Variants in LRRC7 observed in about 807,000 individuals in gnomAD.
LRRC7 encodes leucine rich repeat containing 7.
A neutral mutation model predicts 175.7 loss-of-function variants in LRRC7; 23 were observed. The observed-to-expected ratio is 0.13, with a 90% confidence interval of 0.09 to 0.19. The LOEUF (loss-of-function observed/expected upper bound fraction) is 0.19, where lower values mean the gene tolerates loss of function less well. Ranked by LOEUF, LRRC7 falls within the 10% of genes least tolerant of loss-of-function variation. LRRC7 has a pLI of 1.00. For synonymous variants in LRRC7, 685 were observed against 680.9 expected, an observed-to-expected ratio of 1.01 and a Z score of -0.09; for missense variants, 1,354 against 1,904.7, an observed-to-expected ratio of 0.71 and a Z score of 5.38.
At chr1:69,995,751 G>T (rs1181000433) in intron 11 of LRRC7, among the ~76,000 whole-genome samples, 1 of 152,012 alleles carries the variant, frequency 6.6e-6, no homozygotes, top group African/African-American at 2.4e-5. Flanking sequence ...TTTTATGGCT[G>T]CATAGTATTC....
intron 8 of LRRC7, among the ~76,000 whole-genome samples, chr1:69,960,106 G>A (rs571654845): frequency 2.6e-4 from 40 of 152,028 alleles, no homozygotes; most frequent in South Asian, 1.0e-3. Flanking sequence ...CTGTGAATCC[G>A]TCTGGTCCTG....
chr1:69,645,477 C>G (rs575512229), intron 1 of LRRC7, among the ~76,000 whole-genome samples: 2 of 151,916 alleles, frequency 1.3e-5, no homozygotes, highest in Non-Finnish European at 2.9e-5. Flanking sequence ...AGACACTTGA[C>G]CTCCTAAATT....
intron 21 of LRRC7, among the ~76,000 whole-genome samples, chr1:70,040,630 G>T (rs946763194): frequency 6.6e-6 from 1 of 152,032 alleles, no homozygotes; most frequent in African/African-American, 2.4e-5. Context: ...GGCCAACATG[G>T]TAAAACCCCA....
At chr1:69,573,651 T>C (rs1225020969) in intron 1 of LRRC7, among the ~76,000 whole-genome samples, 1 of 152,138 alleles carries the variant, frequency 6.6e-6, no homozygotes, top group Non-Finnish European at 1.5e-5. Context: ...CTAATTAAAT[T>C]ATTATTCATA....
chr1:69,813,853 C>G (rs1678260804), intron 4 of LRRC7, among the ~76,000 whole-genome samples: 1 of 151,998 alleles, frequency 6.6e-6, no homozygotes, highest in Non-Finnish European at 1.5e-5. Context: ...ATTACGTGGT[C>G]TACAAATTAT....
chr1:69,967,568 C>T (rs1304164932), intron 8 of LRRC7, among the ~76,000 whole-genome samples: 9 of 152,186 alleles, frequency 5.9e-5, no homozygotes, highest in African/African-American at 1.7e-4. Flanking sequence ...CCCCTGCCAC[C>T]TCCACCGGAG....
intron 24 of LRRC7, among the ~76,000 whole-genome samples, chr1:70,082,784 T>C (rs12742122): frequency 0.026 from 2,290 of 88,330 alleles, 693 homozygotes; most frequent in African/African-American, 0.099. Context: ...CCAGTACATT[T>C]TTTTTTTTTT....
intron 24 of LRRC7, among the ~76,000 whole-genome samples, chr1:70,081,294 C>T (rs1663194008): frequency 6.6e-6 from 1 of 152,328 alleles, no homozygotes; most frequent in Non-Finnish European, 1.5e-5. Flanking sequence ...AAACTAACAT[C>T]AGCTTTGTTT....
At chr1:69,998,630 T>C (rs1655242221) in intron 11 of LRRC7, among the ~76,000 whole-genome samples, 1 of 152,216 alleles carries the variant, frequency 6.6e-6, no homozygotes, top group Non-Finnish European at 1.5e-5. Flanking sequence ...TTCAACTTCT[T>C]TTATCCCTAC....
In LRRC7 at chr1:69,650,539, C is replaced by CAAAAAAAAAAAAAAA. The variant is rs574357981; in HGVS notation, c.3-27841_3-27827dup. On this transcript the variant is annotated intron_variant, in intron 1 of 26. Transcript: ENST00000651989. ...TGGGCGAAAAAGAGAGACTCCGTCT[C>CAAAAAAAAAAAAAAA]AAAAAAAAAAAAAAATGCCAAGCAT... Among the ~76,000 whole-genome samples the CAAAAAAAAAAAAAAA allele has an allele frequency of 1.8e-3, 139 of 79,156 alleles. 8 individuals are homozygous for CAAAAAAAAAAAAAAA. Among genetic ancestry groups the CAAAAAAAAAAAAAAA allele is most frequent in the African/African-American group, 7.0e-3 (133 of 18,972 alleles). The allele number at this position is 79,156 out of a possible 152,430, so 51.9% of individuals were successfully genotyped here. A position where few individuals can be genotyped will look rare whatever the true frequency, so the allele number is the denominator to read the frequency against.
Position 69,588,986 on chromosome 1 carries a change from T to TGTGTGTGTGTGTGTGG in LRRC7, c.2+20360_2+20361insGGTGTGTGTGTGTGTG, listed in dbSNP as rs1491313746. On this transcript the variant is annotated intron_variant, in intron 1 of 26. Coordinates refer to ENST00000651989, the MANE Select transcript of LRRC7 (RefSeq NM_001370785.2). ...TGGTGCTGCTGCTCCTGCTGGGGTC[T>TGTGTGTGTGTGTGTGG]GTGTGTGTGTGTGTGTGTGTGTGCG... Among the ~76,000 whole-genome samples the TGTGTGTGTGTGTGTGG allele has an allele frequency of 6.5e-4, 58 of 88,562 alleles. 1 individual carries two copies. The highest frequency in any genetic ancestry group is 1.0e-3 in the South Asian group (3 of 2,968). 58.1% of individuals were successfully genotyped at this position (88,562 alleles called of 152,430 possible).
rs185599638 is a variant in LRRC7, at chr1:70,057,708, C to G, written c.4230+4563C>G. Among the ~76,000 whole-genome samples the G allele has an allele frequency of 1.0e-3, 154 of 152,192 alleles. 1 individual carries two copies. The highest frequency in any genetic ancestry group is 3.5e-3 in the African/African-American group (145 of 41,522). ...TTGACTGAACTTGTGGCTCTCTGTT[C>G]TGGCTATCATAGATTTTTGGTTACT... On this transcript the variant is annotated intron_variant, in intron 23 of 26. Transcript: ENST00000651989.
At chr1:70,020,016 G>A (rs1450107157) in intron 15 of LRRC7, among the ~76,000 whole-genome samples, 1 of 151,992 alleles carries the variant, frequency 6.6e-6, no homozygotes, top group Non-Finnish European at 1.5e-5. Flanking sequence ...GGTAGATTCA[G>A]TTAGGTAAGG....
At chr1:69,678,655 T>C (rs1275491272) in intron 2 of LRRC7, among the ~76,000 whole-genome samples, 177 bp downstream of exon 2, 1 of 152,120 alleles carries the variant, frequency 6.6e-6, no homozygotes, top group Non-Finnish European at 1.5e-5. Context: ...ACTTAGAACA[T>C]TGCTTTCTTA....
intron 7 of LRRC7, among the ~76,000 whole-genome samples, chr1:69,918,716 A>T (rs938451196): frequency 3.3e-5 from 5 of 152,214 alleles, no homozygotes; most frequent in African/African-American, 7.2e-5. Context: ...CAACTTCAAA[A>T]GTGGAAAATG....
At chr1:69,768,698 C>G (rs1033843979) in intron 3 of LRRC7, among the ~76,000 whole-genome samples, 3 of 152,166 alleles carry the variant, frequency 2.0e-5, no homozygotes, top group African/African-American at 7.2e-5. Flanking sequence ...GCATAAAACA[C>G]AGAAAATATA....
At chr1:69,834,178 C>A (rs114587735) in intron 5 of LRRC7, among the ~76,000 whole-genome samples, 1,829 of 152,010 alleles carry the variant, frequency 0.012, 32 homozygotes, top group African/African-American at 0.041. Context: ...GTCTAATTAT[C>A]TTTTCAATGT....
intron 1 of LRRC7, among the ~76,000 whole-genome samples, chr1:69,623,627 C>T (rs972314404): frequency 2.0e-5 from 3 of 151,012 alleles, no homozygotes; most frequent in East Asian, 2.0e-4. Flanking sequence ...CTCGGCTCAC[C>T]GCAACCTCTG....
At chr1:69,940,346 C>G (rs978530725) in intron 8 of LRRC7, among the ~76,000 whole-genome samples, 4 of 152,074 alleles carry the variant, frequency 2.6e-5, no homozygotes, top group African/African-American at 4.8e-5. Context: ...AAGGAAGCAG[C>G]TTTTCCCTCG....
Sources: gnomAD v4.1 joint callset for allele counts (sites outside exome capture counted in the v4.1 genomes callset) on GRCh38, gnomAD v4.1.1 for gene constraint, MANE v1.5 for transcripts, NCBI Gene and HGNC (gene_info 2026-07-23, HGNC 2026-07-21) for gene names.